Variants in CSMD1 observed in about 807,000 individuals in gnomAD.
CSMD1 encodes CUB and Sushi multiple domains 1, also known as CUB and sushi domain-containing protein 1.
Under a neutral mutation model 417.5 loss-of-function variants are expected in CSMD1, and 213 were observed. That is an observed-to-expected ratio of 0.51 (90% CI 0.46 to 0.57). The LOEUF is 0.57. CSMD1 is among the 20% of genes least tolerant of loss of function. CSMD1 has a pLI of 0.00. For missense variants in CSMD1, 6,923 were observed against 4,529.7 expected, an observed-to-expected ratio of 1.53 and a Z score of -15.17; for synonymous variants, 2,862 against 1,736.8, an observed-to-expected ratio of 1.65 and a Z score of -16.11.
intron 2 of CSMD1, among the ~76,000 whole-genome samples, chr8:4,439,638 G>C (rs980974540): frequency 1.3e-5 from 2 of 152,084 alleles, no homozygotes; most frequent in Admixed American, 6.5e-5. Context: ...AGCACCATAA[G>C]GCAAAATGGA....
At chr8:4,317,290 G>T (rs567352956) in intron 3 of CSMD1, among the ~76,000 whole-genome samples, 1 of 152,076 alleles carries the variant, frequency 6.6e-6, no homozygotes. Flanking sequence ...TGAAAGCACT[G>T]GTGTGATTTG....
chr8:4,323,136 T>C (rs1444630585), intron 3 of CSMD1, among the ~76,000 whole-genome samples: 1 of 152,224 alleles, frequency 6.6e-6, no homozygotes, highest in Non-Finnish European at 1.5e-5. Flanking sequence ...GTTCCAAAGT[T>C]GTTTCCTCAT....
intron 36 of CSMD1, among the ~76,000 whole-genome samples, chr8:3,181,826 A>G (rs1205370312): frequency 6.6e-6 from 1 of 152,200 alleles, no homozygotes; most frequent in Admixed American, 6.5e-5. Flanking sequence ...AACCGATTGG[A>G]AAGGGCAATA....
intron 3 of CSMD1, among the ~76,000 whole-genome samples, chr8:4,091,150 C>T (rs891672106): frequency 6.6e-6 from 1 of 152,036 alleles, no homozygotes; most frequent in Admixed American, 6.6e-5. Flanking sequence ...AATTCCTGAC[C>T]TCAAGTGATC....
At chr8:4,870,424 G>A (rs776285648) in intron 1 of CSMD1, among the ~76,000 whole-genome samples, 16 of 152,154 alleles carry the variant, frequency 1.1e-4, no homozygotes, top group Non-Finnish European at 2.2e-4. Flanking sequence ...CTTAAAGGAT[G>A]CATAGTATTC....
intron 6 of CSMD1, among the ~76,000 whole-genome samples, chr8:3,753,271 G>T (rs28570092): frequency 0.2 from 30,665 of 152,124 alleles, 3,539 homozygotes; most frequent in South Asian, 0.32. Flanking sequence ...TTAGGAGACT[G>T]CTTAATAAAC....
At chr8:4,223,448 G>A (rs1017022336) in intron 3 of CSMD1, among the ~76,000 whole-genome samples, 1 of 152,216 alleles carries the variant, frequency 6.6e-6, no homozygotes, top group Non-Finnish European at 1.5e-5. Context: ...TAGGCTGACT[G>A]CTGGCCCAGA....
At chr8:3,691,383 CA>C (rs974291982) in intron 7 of CSMD1, among the ~76,000 whole-genome samples, 2 of 150,452 alleles carry the variant, frequency 1.3e-5, no homozygotes, top group East Asian at 2.0e-4. Flanking sequence ...AAAAACAAAA[CA>C]AAAAAACAAA....
chr8:4,958,505 T>C (rs1185237177), intron 1 of CSMD1, among the ~76,000 whole-genome samples: 1 of 152,170 alleles, frequency 6.6e-6, no homozygotes, highest in Non-Finnish European at 1.5e-5. Flanking sequence ...AATCAAGCAC[T>C]CCATAGTTCA....
intron 7 of CSMD1, among the ~76,000 whole-genome samples, chr8:3,656,906 C>T (rs1286534587): frequency 1.4e-5 from 2 of 144,934 alleles, no homozygotes; most frequent in Admixed American, 7.1e-5. Context: ...GCCTGGGCAA[C>T]AGAGCAAGAC....
Position 3,102,271 on chromosome 8 carries a change from A to G in CSMD1, c.6949+4257T>C, listed in dbSNP as rs138708016. On this transcript the variant is annotated intron_variant, in intron 46 of 69. Transcript: ENST00000635120. The stretch of plus-strand genomic sequence containing the variant: ...GTGATTCAGTGATTAAGGATTTGGT[A>G]AAAGACATCTAGGGTCTTATTTCCT... 4.4e-3 allele frequency among the ~76,000 whole-genome samples: 667 copies of G among 152,348 alleles called. 10 individuals are homozygous for G. The highest frequency in any genetic ancestry group is 0.014 in the African/African-American group (589 of 41,578).
chr8:4,219,617 C>G (rs1800902519), intron 3 of CSMD1, among the ~76,000 whole-genome samples: 1 of 152,104 alleles, frequency 6.6e-6, no homozygotes, highest in Non-Finnish European at 1.5e-5. Flanking sequence ...CCAAAAAACA[C>G]TATATCACTT....
intron 1 of CSMD1, among the ~76,000 whole-genome samples, chr8:4,931,099 A>G (rs1403878770): frequency 6.6e-6 from 1 of 152,242 alleles, no homozygotes; most frequent in African/African-American, 2.4e-5. Flanking sequence ...TTATATAGAT[A>G]TCTTCATTTT....
intron 3 of CSMD1, among the ~76,000 whole-genome samples, chr8:4,142,464 T>C (rs1241095834): frequency 1.3e-5 from 2 of 151,232 alleles, no homozygotes; most frequent in East Asian, 1.9e-4. Context: ...CTGAGAATAA[T>C]CTACCTTGTT....
At chr8:3,647,527 G>A (rs189007103) in intron 7 of CSMD1, among the ~76,000 whole-genome samples, 37 of 152,234 alleles carry the variant, frequency 2.4e-4, no homozygotes, top group African/African-American at 8.7e-4. Context: ...ATAGCATAAA[G>A]AGAAATATAG....
chr8:4,680,767 A>G (rs767313979), intron 1 of CSMD1, among the ~76,000 whole-genome samples: 12 of 151,970 alleles, frequency 7.9e-5, no homozygotes, highest in African/African-American at 1.2e-4. Context: ...TTTAGTAGAG[A>G]CGAGGTTTCA....
At chr8:4,583,153 G>T (rs1042089354) in intron 2 of CSMD1, among the ~76,000 whole-genome samples, 1 of 152,170 alleles carries the variant, frequency 6.6e-6, no homozygotes, top group Admixed American at 6.5e-5. Flanking sequence ...TCCCCAACGA[G>T]CACCATCCTC....
At chr8:4,744,374 T>C (rs138687762) in intron 1 of CSMD1, among the ~76,000 whole-genome samples, 145 of 152,296 alleles carry the variant, frequency 9.5e-4, no homozygotes, top group Middle Eastern at 6.8e-3. Flanking sequence ...GTGTTTCGTA[T>C]TGTCTCTTCT....
At chr8:3,369,467 T>G in intron 18 of CSMD1, 97 bp from the exon 19 acceptor site, 1 of 650,244 alleles carries the variant, frequency 1.5e-6, no homozygotes, top group South Asian at 1.9e-5. Context: ...GCACAAGGAT[T>G]AACAAATTTA....
Sources: allele counts gnomAD v4.1 joint callset (sites outside exome capture counted in the v4.1 genomes callset), GRCh38; gene constraint gnomAD v4.1.1; transcripts MANE v1.5; gene names NCBI Gene and HGNC (gene_info 2026-07-23, HGNC 2026-07-21).